Variants in NOL4 observed in about 807,000 individuals in gnomAD.
NOL4 encodes the protein nucleolar protein 4, also known as cancer/testis antigen 125.
Under a neutral mutation model 75.9 loss-of-function variants are expected in NOL4, and 17 were observed. That is an observed-to-expected ratio of 0.22 (90% CI 0.15 to 0.34). The LOEUF is 0.34. Among genes scored for constraint, NOL4 ranks in the 10% least tolerant of loss-of-function variants. The pLI is 1.00. For missense variants in NOL4, 614 were observed against 793.5 expected, an observed-to-expected ratio of 0.77 and a Z score of 2.72; for synonymous variants, 292 against 289.9, an observed-to-expected ratio of 1.01 and a Z score of -0.07.
At chr18:34,182,390 G>C (rs1197511929) in intron 1 of NOL4, among the ~76,000 whole-genome samples, 2 of 151,578 alleles carry the variant, frequency 1.3e-5, no homozygotes, top group Non-Finnish European at 3.0e-5. Flanking sequence ...GTTGTTAGGG[G>C]CTGGAAGGAC....
intron 1 of NOL4, among the ~76,000 whole-genome samples, chr18:34,203,481 T>G (rs2035881731): frequency 6.6e-6 from 1 of 150,452 alleles, no homozygotes; most frequent in Non-Finnish European, 1.5e-5. Context: ...CAAAAAAGAC[T>G]GGTAGATTAT....
chr18:34,104,492 G>A (rs1359584589), intron 3 of NOL4, among the ~76,000 whole-genome samples: 1 of 151,874 alleles, frequency 6.6e-6, no homozygotes, highest in Non-Finnish European at 1.5e-5. Context: ...GAATGCCGAA[G>A]GAAATCTGCT....
intron 1 of NOL4, among the ~76,000 whole-genome samples, chr18:34,133,277 A>G (rs1027041833): frequency 2.0e-5 from 3 of 150,084 alleles, no homozygotes; most frequent in African/African-American, 7.5e-5. Context: ...CGTCTCAAAA[A>G]AAAAAAAAAA....
intron 2 of NOL4, among the ~76,000 whole-genome samples, chr18:34,122,112 A>T (rs2080169757): frequency 1.3e-5 from 2 of 152,216 alleles, no homozygotes; most frequent in African/African-American, 4.8e-5. Flanking sequence ...CAACTAGGTT[A>T]CTGACTCAGT....
At chr18:34,145,513 A>T (rs2081361458) in intron 1 of NOL4, among the ~76,000 whole-genome samples, 1 of 151,794 alleles carries the variant, frequency 6.6e-6, no homozygotes, top group Non-Finnish European at 1.5e-5. Flanking sequence ...AAGAGTCCTA[A>T]ACTCAAGAAT....
chr18:33,940,988 CT>C (rs998644003), intron 9 of NOL4, among the ~76,000 whole-genome samples: 1 of 151,740 alleles, frequency 6.6e-6, no homozygotes, highest in African/African-American at 2.4e-5. Flanking sequence ...ATGTAAAGAC[CT>C]TCAAAAACAA....
chr18:34,042,913 A>T (rs554791179), intron 5 of NOL4, among the ~76,000 whole-genome samples: 1 of 152,238 alleles, frequency 6.6e-6, no homozygotes, highest in South Asian at 2.1e-4. Flanking sequence ...GGCAGTCAGA[A>T]AAACATATAA....
At chr18:33,896,643 G>A (rs886831147) in intron 9 of NOL4, among the ~76,000 whole-genome samples, 1 of 152,126 alleles carries the variant, frequency 6.6e-6, no homozygotes, top group African/African-American at 2.4e-5. Context: ...AGATTTAAAT[G>A]TAAAACCCAA....
intron 5 of NOL4, among the ~76,000 whole-genome samples, chr18:34,072,694 G>C (rs2077574330): frequency 1.3e-5 from 2 of 152,210 alleles, no homozygotes; most frequent in South Asian, 2.1e-4. Flanking sequence ...TCATGTGCTG[G>C]ACCATACAGC....
intron 5 of NOL4, among the ~76,000 whole-genome samples, chr18:34,091,446 G>GAACACC (rs2078521224): frequency 6.6e-6 from 1 of 152,046 alleles, no homozygotes; most frequent in Admixed American, 6.6e-5. Context: ...ACCATGAGAG[G>GAACACC]ATATGGTGTT....
chr18:33,914,368 G>A (rs1249832097), intron 9 of NOL4, among the ~76,000 whole-genome samples: 1 of 152,018 alleles, frequency 6.6e-6, no homozygotes, highest in Non-Finnish European at 1.5e-5. Flanking sequence ...TAGGAGAGGA[G>A]GTGAGAGAAG....
intron 1 of NOL4, among the ~76,000 whole-genome samples, chr18:34,198,263 T>G (rs1452259700): frequency 1.3e-5 from 2 of 151,902 alleles, no homozygotes; most frequent in African/African-American, 2.4e-5. Context: ...GTCTTTATTT[T>G]TTACTTTTCT....
At chr18:34,215,843 C>T (rs1374119121) in intron 1 of NOL4, among the ~76,000 whole-genome samples, 1 of 152,138 alleles carries the variant, frequency 6.6e-6, no homozygotes, top group Non-Finnish European at 1.5e-5. Context: ...CTACTGTTGA[C>T]TGCAAGCCTT....
At chr18:34,074,386 T>C (rs1420482786) in intron 5 of NOL4, among the ~76,000 whole-genome samples, 3 of 151,866 alleles carry the variant, frequency 2.0e-5, no homozygotes, top group African/African-American at 7.2e-5. Context: ...ACACTCTTCA[T>C]ATTGTTGTGG....
intron 1 of NOL4, among the ~76,000 whole-genome samples, chr18:34,206,761 C>A (rs2036148556): frequency 6.6e-6 from 1 of 152,048 alleles, no homozygotes; most frequent in Non-Finnish European, 1.5e-5. Flanking sequence ...GCCCTGCGAA[C>A]AAATTTGGAA....
At chr18:34,085,822 T>C (rs1248978000) in intron 5 of NOL4, among the ~76,000 whole-genome samples, 2 of 152,148 alleles carry the variant, frequency 1.3e-5, no homozygotes, top group Admixed American at 6.6e-5. Flanking sequence ...TCTTCTGCTT[T>C]TGGAAACAGA....
intron 4 of NOL4, among the ~76,000 whole-genome samples, chr18:34,096,516 C>G (rs2145584345): frequency 6.6e-6 from 1 of 152,196 alleles, no homozygotes; most frequent in South Asian, 2.1e-4. Context: ...GAAGAAACTA[C>G]TGAAGGCTTC....
intron 6 of NOL4, among the ~76,000 whole-genome samples, chr18:33,958,749 C>T (rs1049667381): frequency 6.6e-6 from 1 of 152,006 alleles, no homozygotes; most frequent in Non-Finnish European, 1.5e-5. Flanking sequence ...AATCTGTAAT[C>T]GATTTTGCAA....
At chr18:34,019,978 C>A (rs1182538773) in intron 5 of NOL4, among the ~76,000 whole-genome samples, 7 of 151,658 alleles carry the variant, frequency 4.6e-5, no homozygotes, top group Non-Finnish European at 1.0e-4. Flanking sequence ...AGCCTGGCAC[C>A]TCTTCTCTCT....
Sources: allele counts gnomAD v4.1 joint callset (sites outside exome capture counted in the v4.1 genomes callset), GRCh38; gene constraint gnomAD v4.1.1; transcripts MANE v1.5; gene names NCBI Gene and HGNC (gene_info 2026-07-23, HGNC 2026-07-21).